The following AKT1 variants were observed in gnomAD, a reference collection of about 807,000 sequenced individuals.
The protein encoded by AKT1 is RAC-alpha serine/threonine-protein kinase.
In AKT1, 21 loss-of-function variants were observed where a neutral mutation model predicts 63.1. That is an observed-to-expected ratio of 0.33 (90% CI 0.24 to 0.48). AKT1 has a LOEUF of 0.48. AKT1 is among the 20% of genes least tolerant of loss of function. The pLI is 0.99. For missense variants in AKT1, 382 were observed against 666.0 expected, an observed-to-expected ratio of 0.57 and a Z score of 4.69; for synonymous variants, 257 against 253.1, an observed-to-expected ratio of 1.02 and a Z score of -0.15.
At position 104,773,894 on chromosome 14, in the gene AKT1, C is replaced by T. The variant is rs750119740; in HGVS notation, c.702+18G>A. ...CCCACAGGCCGCGAAGTCCATCCCC[C>T]GCAGCCCCAGCCCCTACCTCGCCCC... On this transcript the variant is annotated intron_variant, in intron 9 of 14. Transcript: ENST00000649815. The T allele has an allele frequency of 7.5e-6, 12 of 1,595,030 alleles. No homozygotes were observed. Among genetic ancestry groups the T allele is most frequent in the South Asian group, 5.6e-5 (5 of 88,794 alleles).
At position 104,770,782 on chromosome 14, in the gene AKT1, G is replaced by C; in HGVS notation, c.1326C>G (p.Phe442Leu). The change falls in exon 14 of 15, where the codon TTC becomes TTG. Residue 442 changes from phenylalanine (F) to leucine (L), a missense_variant. Coordinates refer to ENST00000649815, the MANE Select transcript of AKT1 (RefSeq NM_001382430.1). ...GTGTGATGGTGATCATCTGGGCCGT[G>C]AACTCCTCATCAAAATACCTGGTGT... is the stretch of plus-strand genomic sequence containing the variant. Reference protein sequence around the residue: ...ETDTRYFDEEFTAQMITITPP... With the variant: ...ETDTRYFDEELTAQMITITPP... The C allele has an allele frequency of 1.2e-6, 2 of 1,614,126 alleles. No individual in the cohort carries two copies. The highest frequency in any genetic ancestry group is 1.7e-6 in the Non-Finnish European group (2 of 1,180,022).
At chr14:104,772,006 A>C (rs1595240418) in intron 13 of AKT1, 3 of 433,176 alleles carry the variant, frequency 6.9e-6, no homozygotes, top group Non-Finnish European at 1.3e-5. Context: ...AAGGGGCAGC[A>C]CCCCTGGTCC....
At chr14:104,793,385 T>C in intron 1 of AKT1, 81 bp from the exon 2 acceptor site, 1 of 208,546 alleles carries the variant, frequency 4.8e-6, no homozygotes, top group Admixed American at 5.9e-5. Context: ...TCCAGAGCCC[T>C]CCAGCGCAAG....
intron 3 of AKT1, among the ~76,000 whole-genome samples, 178 bp from the exon 4 acceptor site, chr14:104,780,394 C>T (rs933859142): frequency 4.6e-5 from 7 of 152,180 alleles, no homozygotes; most frequent in African/African-American, 1.2e-4. Flanking sequence ...CCTGGGTCAA[C>T]GGGAAGGCAG....
intron 4 of AKT1, chr14:104,777,410 G>A (rs1892791330): frequency 2.4e-6 from 1 of 421,080 alleles, no homozygotes. Flanking sequence ...CACACACCTG[G>A]GGCACACGCA....
At position 104,772,879 on chromosome 14, in the gene AKT1, T is replaced by C. The variant is rs1394191738; in HGVS notation, c.1171A>G (p.Arg391Gly). The change falls in exon 12 of 15, where the codon AGG becomes GGG. Residue 391 changes from arginine (R) to glycine (G), a missense_variant and splice_region_variant. By Grantham distance (125) the Arg-to-Gly change is moderately radical. Transcript: ENST00000649815. Reference protein sequence around the residue: ...SGLLKKDPKQRLGGGSEDAKE... With the variant: ...SGLLKKDPKQGLGGGSEDAKE... ...GTAGCTGGGATGGGCGGCCCTCACCTCTGCTTGGGGTCCTTCTTGAGCAGC... is the reference window on the plus strand; with the variant it reads ...GTAGCTGGGATGGGCGGCCCTCACCCCTGCTTGGGGTCCTTCTTGAGCAGC... 6.2e-7 allele frequency: 1 copy of C among 1,608,186 alleles called. No individual in the cohort carries two copies. Among genetic ancestry groups the C allele is most frequent in the Non-Finnish European group, 8.5e-7 (1 of 1,179,086 alleles).
At chr14:104,788,562 G>A (rs1893453818) in intron 3 of AKT1, among the ~76,000 whole-genome samples, 1 of 152,214 alleles carries the variant, frequency 6.6e-6, no homozygotes, top group Non-Finnish European at 1.5e-5. Flanking sequence ...AGGGACCCCA[G>A]GACCAGCTGG....
Position 104,774,876 on chromosome 14 carries a change from A to G in AKT1, c.633+62T>C, listed in dbSNP as rs1892617129. 4.5e-6 allele frequency: 7 copies of G among 1,543,680 alleles called. No individual in the cohort carries two copies. In the South Asian group the frequency reaches 5.9e-5, roughly 13 times the overall value. The stretch of plus-strand genomic sequence containing the variant: ...AAGAAGACAGGACATCGTCCCCTAG[A>G]GACAGCCCCAGGAGTCGCTACCTGG... On this transcript the variant is annotated intron_variant, in intron 8 of 14. Coordinates refer to ENST00000649815, the MANE Select transcript of AKT1 (RefSeq NM_001382430.1).
In AKT1 at chr14:104,772,255, CTGAGG is replaced by C. The variant is rs1056410973; in HGVS notation, c.1260+105_1260+109del. On this transcript the variant is annotated intron_variant, in intron 13 of 14. Transcript: ENST00000649815. ...CTTGTACCAGGACTGCAGCAGGCTCCTGAGGTGAGGGCGAGTGTGTGGGAAATCTG... is the reference window on the plus strand; with the variant it reads ...CTTGTACCAGGACTGCAGCAGGCTCCTGAGGGCGAGTGTGTGGGAAATCTG... The C allele has an allele frequency of 1.2e-4, 61 of 526,832 alleles. No individual in the cohort carries two copies. In the African/African-American group the frequency reaches 1.3e-3, roughly 11 times the overall value. The allele number at this position is 526,832 out of a possible 1,614,324, so 32.6% of individuals were successfully genotyped here. A position where few individuals can be genotyped will look rare whatever the true frequency, so the allele number is the denominator to read the frequency against.
rs200213561 is a variant in AKT1 at position 104,770,353 on chromosome 14, G to A, written c.1431C>T (p.Ser477=). The change falls in exon 15 of 15, where the codon AGC becomes AGT. Residue 477 remains serine (S), a synonymous_variant. Transcript: ENST00000649815. ...PHFPQFSYSA[S]GTA ...GTCCACCGCCGCCTCAGGCCGTGCCGCTGGCCGAGTAGGAGAACTGGGGGA... is the reference window on the plus strand; with the variant it reads ...GTCCACCGCCGCCTCAGGCCGTGCCACTGGCCGAGTAGGAGAACTGGGGGA... The A allele has an allele frequency of 2.0e-5, 33 of 1,611,650 alleles. No homozygotes were observed. The highest frequency in any genetic ancestry group is 1.8e-4 in the East Asian group (8 of 44,848).
Position 104,770,357 on chromosome 14 carries a change from G to A in AKT1, c.1427C>T (p.Ala476Val), listed in dbSNP as rs1467510263. 6.2e-7 allele frequency: 1 copy of A among 1,612,184 alleles called. No homozygotes were observed. The highest frequency in any genetic ancestry group is 8.5e-7 in the Non-Finnish European group (1 of 1,179,822). The change falls in exon 15 of 15, where the codon GCC (alanine) becomes GTC (valine). Residue 476 changes from alanine (A) to valine (V), a missense_variant. This residue lies in a region of AKT1 where 90 missense variants were observed against 120.5 expected (regional missense o/e 0.75). Coordinates refer to ENST00000649815, the MANE Select transcript of AKT1 (RefSeq NM_001382430.1). ...RPHFPQFSYS[A>V]SGTA The stretch of plus-strand genomic sequence containing the variant: ...ACCGCCGCCTCAGGCCGTGCCGCTG[G>A]CCGAGTAGGAGAACTGGGGGAAGTG...
intron 1 of AKT1, chr14:104,794,926 G>A (rs1164082598): frequency 2.0e-5 from 3 of 152,286 alleles, no homozygotes; most frequent in Admixed American, 6.5e-5. Context: ...GGACCTCCAG[G>A]GCCCACCCAA....
At chr14:104,788,933 C>T (rs779930683) in intron 3 of AKT1, among the ~76,000 whole-genome samples, 5 of 152,196 alleles carry the variant, frequency 3.3e-5, no homozygotes, top group Admixed American at 6.5e-5. Context: ...CATGGACACA[C>T]GGTCCCGTGT....
At chr14:104,787,338 AGC>A (rs929719842) in intron 3 of AKT1, among the ~76,000 whole-genome samples, 28 of 152,084 alleles carry the variant, frequency 1.8e-4, no homozygotes, top group Non-Finnish European at 3.1e-4. Flanking sequence ...CCGGGGCCCC[AGC>A]GCTGGGCTGG....
rs11555429 is a variant in AKT1 at position 104,769,445 on chromosome 14, G to C, written c.*896C>G. 1 of 414,962 alleles carries C rather than the reference G, an allele frequency of 2.4e-6. No homozygotes were observed. Among genetic ancestry groups the C allele is most frequent in the Non-Finnish European group, 4.6e-6 (1 of 218,302 alleles). The allele number at this position is 414,962 out of a possible 1,614,324, so 25.7% of individuals were successfully genotyped here. A position where few individuals can be genotyped will look rare whatever the true frequency, so the allele number is the denominator to read the frequency against. ...AAGTTGAATGTTGTAAAAAAACGCCGTGGTGCAGCGGCAGCGGCAGCGTCT... is the reference window on the plus strand; with the variant it reads ...AAGTTGAATGTTGTAAAAAAACGCCCTGGTGCAGCGGCAGCGGCAGCGTCT... On this transcript the variant is annotated 3_prime_UTR_variant, in exon 15 of 15. Coordinates refer to ENST00000649815, the MANE Select transcript of AKT1 (RefSeq NM_001382430.1).
chr14:104,794,817 C>T (rs891596476), intron 1 of AKT1, among the ~76,000 whole-genome samples: 5 of 152,224 alleles, frequency 3.3e-5, no homozygotes, highest in Non-Finnish European at 7.3e-5. Context: ...ACTCAGAGGC[C>T]GTCCCGACAG....
intron 3 of AKT1, among the ~76,000 whole-genome samples, chr14:104,782,715 G>C (rs969851430): frequency 2.0e-5 from 3 of 151,950 alleles, no homozygotes; most frequent in African/African-American, 7.2e-5. Context: ...CCTACCCCAG[G>C]AGACGGGTGT....
chr14:104,789,874 C>T (rs1893535769), intron 3 of AKT1, among the ~76,000 whole-genome samples: 1 of 152,218 alleles, frequency 6.6e-6, no homozygotes, highest in Non-Finnish European at 1.5e-5. Context: ...CACAGGTCCA[C>T]ACAGGCCTGC....
chr14:104,773,992 G>A lies in AKT1; in HGVS notation c.634-12C>T, dbSNP rs200254011. ...GAGTACTTCAGGGCCTGCAAGGAAGGGGAGCTGGAACTGCGGCCCCACAGG... is the reference window on the plus strand; with the variant it reads ...GAGTACTTCAGGGCCTGCAAGGAAGAGGAGCTGGAACTGCGGCCCCACAGG... On this transcript the variant is annotated splice_polypyrimidine_tract_variant and intron_variant, in intron 8 of 14. Coordinates refer to ENST00000649815, the MANE Select transcript of AKT1 (RefSeq NM_001382430.1). 1.9e-6 allele frequency: 3 copies of A among 1,610,722 alleles called. No homozygotes were observed. Among genetic ancestry groups the A allele is most frequent in the African/African-American group, 2.7e-5 (2 of 74,952 alleles).
Sources: gnomAD v4.1 joint callset for allele counts (sites outside exome capture counted in the v4.1 genomes callset) on GRCh38, gnomAD v4.1.1 for gene constraint, gnomAD v4.1.1 regional missense constraint, MANE v1.5 for transcripts, NCBI Gene and HGNC (gene_info 2026-07-23, HGNC 2026-07-21) for gene names.